The following GPT2 variants were observed in gnomAD, a reference collection of about 807,000 sequenced individuals.
GPT2 encodes alanine aminotransferase 2.
Under a neutral mutation model 56.9 loss-of-function variants are expected in GPT2, and 30 were observed. The observed-to-expected ratio is 0.53, with a 90% confidence interval of 0.39 to 0.72. The LOEUF (loss-of-function observed/expected upper bound fraction) is 0.72. Ranked by LOEUF, GPT2 falls within the 30% of genes least tolerant of loss-of-function variation. The pLI is 0.00. For synonymous variants in GPT2, 271 were observed against 283.1 expected, an observed-to-expected ratio of 0.96 and a Z score of 0.43; for missense variants, 542 against 703.4, an observed-to-expected ratio of 0.77 and a Z score of 2.60.
At position 46,931,083 on chromosome 16, in the gene GPT2, G is replaced by A. The variant is rs1324497186; in HGVS notation, c.*2086G>A. ...AGCATGTGCTGAGGAAGCACGTGCT[G>A]GGCTGTGCCTCAGACAGTGCATCAC... On this transcript the variant is annotated 3_prime_UTR_variant, in exon 12 of 12. Transcript: ENST00000340124. 6.6e-6 allele frequency: 1 copy of A among 152,226 alleles called. No individual in the cohort carries two copies. Among genetic ancestry groups the A allele is most frequent in the Non-Finnish European group, 1.5e-5 (1 of 68,050 alleles). The allele number at this position is 152,226 out of a possible 1,614,324, so 9.4% of individuals were successfully genotyped here.
chr16:46,901,775 C>T (rs1267879737), intron 4 of GPT2, among the ~76,000 whole-genome samples: 3 of 152,316 alleles, frequency 2.0e-5, no homozygotes, highest in African/African-American at 7.2e-5. Flanking sequence ...GCTGTGGCCC[C>T]CCTGCCCTCC....
intron 2 of GPT2, among the ~76,000 whole-genome samples, chr16:46,894,669 CT>C (rs1252429847): frequency 2.0e-3 from 288 of 144,826 alleles, no homozygotes; most frequent in Non-Finnish European, 1.8e-3. Flanking sequence ...CACTGGGAAT[CT>C]TTTTTTTTTT....
chr16:46,898,998 CATATATATATATATATATAT>C (rs61197632), intron 3 of GPT2, among the ~76,000 whole-genome samples: 99,390 of 124,216 alleles, frequency 0.8, 39,433 homozygotes, highest in South Asian at 0.92. Context: ...ATATAACACA[CATATATATATATATATATAT>C]ATATATATAT....
At chr16:46,885,180 T>G in intron 2 of GPT2, 1 of 1,278,618 alleles carries the variant, frequency 7.8e-7, no homozygotes, top group Non-Finnish European at 9.9e-7. Flanking sequence ...CTTGTTGAAT[T>G]GAATTCGTCA....
intron 3 of GPT2, 38 bp from the exon 4 acceptor site, chr16:46,900,644 G>C: frequency 2.0e-6 from 3 of 1,510,448 alleles, no homozygotes; most frequent in Non-Finnish European, 2.8e-6. Flanking sequence ...TCTAGGAGTG[G>C]GGGTGCTGGG....
chr16:46,905,269 G>A (rs913162419), intron 4 of GPT2, among the ~76,000 whole-genome samples: 1 of 151,880 alleles, frequency 6.6e-6, no homozygotes. Context: ...GGCTGGTCTC[G>A]AACTCCTGAC....
At chr16:46,917,382 A>G (rs980694579) in intron 7 of GPT2, among the ~76,000 whole-genome samples, 4 of 151,828 alleles carry the variant, frequency 2.6e-5, no homozygotes, top group African/African-American at 9.7e-5. Flanking sequence ...ACTGACGCCC[A>G]CTCCTCATAA....
At chr16:46,926,901 C>G (rs200983332) in intron 10 of GPT2, 24 bp from the exon 11 acceptor site, 1 of 1,457,012 alleles carries the variant, frequency 6.9e-7, no homozygotes, top group Admixed American at 2.3e-5. Flanking sequence ...CAGGAATGAT[C>G]ATGAGCTCTG....
At chr16:46,910,831 C>T (rs1208871948) in intron 6 of GPT2, among the ~76,000 whole-genome samples, 1 of 152,076 alleles carries the variant, frequency 6.6e-6, no homozygotes, top group Non-Finnish European at 1.5e-5. Context: ...AACTCCTGGC[C>T]TCAAGTGATC....
intron 2 of GPT2, among the ~76,000 whole-genome samples, chr16:46,895,859 A>C (rs935838441): frequency 6.6e-6 from 1 of 152,222 alleles, no homozygotes; most frequent in Non-Finnish European, 1.5e-5. Context: ...GGTGTACATT[A>C]CTGATTTTGA....
rs1232774259 is a variant in GPT2, at chr16:46,890,850, T to C, written c.243+5892T>C. 2.0e-5 allele frequency among the ~76,000 whole-genome samples: 3 copies of C among 152,132 alleles called. No individual in the cohort carries two copies. The East Asian group carries it at 5.8e-4, about 29-fold the overall frequency. ...CAAATTTCAAGTAAAAAATACAGGT[T>C]TTTTGTTTTGGCTTTTTTTGTTGTT... is the stretch of plus-strand genomic sequence containing the variant. On this transcript the variant is annotated intron_variant, in intron 2 of 11. Transcript: ENST00000340124.
rs1238456813 is a variant in GPT2 at position 46,898,718 on chromosome 16, T to C, written c.333+981T>C. On this transcript the variant is annotated intron_variant, in intron 3 of 11. Coordinates refer to ENST00000340124, the MANE Select transcript of GPT2 (RefSeq NM_133443.4). The stretch of plus-strand genomic sequence containing the variant: ...GCATGCACCACCACGCCTGGCTGAT[T>C]TTTGTATTTTTGGTAGAGATGGGGT... 2.6e-5 allele frequency among the ~76,000 whole-genome samples: 4 copies of C among 151,282 alleles called. No individual in the cohort carries two copies. In the South Asian group the frequency reaches 8.3e-4, roughly 32 times the overall value.
intron 4 of GPT2, among the ~76,000 whole-genome samples, chr16:46,902,586 T>C (rs1476965804): frequency 6.6e-6 from 1 of 152,072 alleles, no homozygotes; most frequent in African/African-American, 2.4e-5. Flanking sequence ...CACAGGGAGA[T>C]TATTAAATAT....
At chr16:46,914,270 CTCACGCCTG>C (rs1961100341) in intron 6 of GPT2, among the ~76,000 whole-genome samples, 1 of 152,192 alleles carries the variant, frequency 6.6e-6, no homozygotes, top group Non-Finnish European at 1.5e-5. Flanking sequence ...GGTGCGGTGG[CTCACGCCTG>C]TAATCTCAGC....
At chr16:46,928,767 T>C in intron 11 of GPT2, 140 bp from the exon 12 acceptor site, 1 of 650,964 alleles carries the variant, frequency 1.5e-6, no homozygotes, top group Non-Finnish European at 2.8e-6. Context: ...GTCCAAGTGC[T>C]GGGTGCTGTC....
intron 3 of GPT2, among the ~76,000 whole-genome samples, chr16:46,899,016 TA>T (rs1567335230): frequency 2.5e-4 from 2 of 7,996 alleles, no homozygotes; most frequent in Non-Finnish European, 3.8e-4. Context: ...TATATATATA[TA>T]TATATATATA....
chr16:46,906,217 C>T (rs970763345), intron 4 of GPT2, among the ~76,000 whole-genome samples: 1 of 152,106 alleles, frequency 6.6e-6, no homozygotes, highest in Non-Finnish European at 1.5e-5. Context: ...GGACTATAGG[C>T]GCATGCCACC....
intron 8 of GPT2, among the ~76,000 whole-genome samples, chr16:46,919,972 C>T (rs1961252948): frequency 2.0e-5 from 3 of 151,928 alleles, no homozygotes; most frequent in South Asian, 2.1e-4. Flanking sequence ...TTTGGGAGGC[C>T]GAGGTGGGAG....
intron 10 of GPT2, among the ~76,000 whole-genome samples, chr16:46,925,483 G>A (rs1961388991): frequency 6.6e-6 from 1 of 152,038 alleles, no homozygotes; most frequent in Admixed American, 6.6e-5. Flanking sequence ...GGCCTCCTGA[G>A]TACCTTGTTA....
Sources: gnomAD v4.1 joint callset for allele counts (sites outside exome capture counted in the v4.1 genomes callset) on GRCh38, gnomAD v4.1.1 for gene constraint, MANE v1.5 for transcripts, NCBI Gene and HGNC (gene_info 2026-07-23, HGNC 2026-07-21) for gene names.